SLIT2: variants seen among roughly 807,000 people sequenced by gnomAD.
SLIT2 encodes the protein slit guidance ligand 2, also known as slit homolog 2 protein.
A neutral mutation model predicts 185.7 loss-of-function variants in SLIT2; 41 were observed. That is an observed-to-expected ratio of 0.22 (90% CI 0.17 to 0.29). The LOEUF (loss-of-function observed/expected upper bound fraction) is 0.29, where lower values mean the gene tolerates loss of function less well. Among genes scored for constraint, SLIT2 ranks in the 10% least tolerant of loss-of-function variants. The probability of loss-of-function intolerance (pLI) is 1.00; values close to 1 mark genes in which losing one functional copy is unlikely to be tolerated. For synonymous variants in SLIT2, 693 were observed against 680.2 expected (o/e 1.02, Z -0.29); for missense variants, 1,571 against 1,909.0 (o/e 0.82, Z 3.30).
At chr4:20,488,762 T>A (rs1402172615) in intron 7 of SLIT2, 57 bp from the exon 8 acceptor site, 1 of 1,285,942 alleles carries the variant, frequency 7.8e-7, no homozygotes, top group African/African-American at 1.5e-5. Flanking sequence ...CAGGTATATA[T>A]TAATGAAATA....
chr4:20,497,868 T>TAAAAC (rs543909250), intron 9 of SLIT2, among the ~76,000 whole-genome samples: 21 of 151,686 alleles, frequency 1.4e-4, no homozygotes, highest in East Asian at 1.9e-4. Flanking sequence ...TTCTTTATAC[T>TAAAAC]AAAACAAAAC....
rs762714004 is a variant in SLIT2, at chr4:20,548,569, A to G, written c.2417+10A>G. 1 of 1,545,406 alleles carries G rather than the reference A, an allele frequency of 6.5e-7. No homozygotes were observed. The highest frequency in any genetic ancestry group is 8.9e-7 in the Non-Finnish European group (1 of 1,117,732). ...CCCAGCTCCTCACCTTGTGAGTGTG[A>G]AAGTGTGGTACTGAGTATTCATTAA... On this transcript the variant is annotated intron_variant, in intron 23 of 36. Transcript: ENST00000504154.
intron 4 of SLIT2, among the ~76,000 whole-genome samples, chr4:20,412,572 G>T (rs1427134038): frequency 2.0e-5 from 3 of 151,926 alleles, no homozygotes; most frequent in Non-Finnish European, 4.4e-5. Flanking sequence ...ATACTATTTT[G>T]TCATGCAAGC....
chr4:20,383,260 C>A (rs1724673650), intron 4 of SLIT2, among the ~76,000 whole-genome samples: 1 of 152,080 alleles, frequency 6.6e-6, no homozygotes, highest in African/African-American at 2.4e-5. Flanking sequence ...TCGTCCTCTC[C>A]AAAAGACACA....
At chr4:20,417,973 T>G (rs1282284504) in intron 4 of SLIT2, among the ~76,000 whole-genome samples, 3 of 152,212 alleles carry the variant, frequency 2.0e-5, no homozygotes, top group Non-Finnish European at 4.4e-5. Context: ...TTCACCTTGT[T>G]AAATTTTCAG....
intron 4 of SLIT2, among the ~76,000 whole-genome samples, chr4:20,323,646 GA>G (rs1719294871): frequency 6.6e-6 from 1 of 151,980 alleles, no homozygotes; most frequent in South Asian, 2.1e-4. Context: ...ACCGTCTAAG[GA>G]AAATAAATAT....
intron 4 of SLIT2, among the ~76,000 whole-genome samples, chr4:20,374,514 C>G (rs1723856847): frequency 6.6e-6 from 1 of 152,074 alleles, no homozygotes; most frequent in African/African-American, 2.4e-5. Context: ...GTCTGAGACT[C>G]AATAGTTTCC....
intron 33 of SLIT2, among the ~76,000 whole-genome samples, chr4:20,601,009 A>G (rs1728372748): frequency 6.6e-6 from 1 of 152,056 alleles, no homozygotes; most frequent in Non-Finnish European, 1.5e-5. Flanking sequence ...GAAGACAGGA[A>G]GGAAATGTAA....
At chr4:20,479,572 C>T (rs868763353) in intron 5 of SLIT2, among the ~76,000 whole-genome samples, 2 of 151,782 alleles carry the variant, frequency 1.3e-5, no homozygotes, top group East Asian at 3.9e-4. Context: ...ACTTTTTTAA[C>T]TGAAATAATA....
At chr4:20,586,354 T>G (rs1434290152) in intron 29 of SLIT2, among the ~76,000 whole-genome samples, 1 of 152,202 alleles carries the variant, frequency 6.6e-6, no homozygotes, top group East Asian at 1.9e-4. Flanking sequence ...CTGAGTTGAT[T>G]ACAGGTCAAC....
chr4:20,557,610 A>T (rs1018158540), intron 26 of SLIT2, among the ~76,000 whole-genome samples: 3 of 152,066 alleles, frequency 2.0e-5, no homozygotes, highest in African/African-American at 7.3e-5. Flanking sequence ...AAGGAGAATG[A>T]TGTTTATATG....
chr4:20,467,498 A>G (rs1376912798), intron 4 of SLIT2, among the ~76,000 whole-genome samples: 1 of 152,078 alleles, frequency 6.6e-6, no homozygotes, highest in Non-Finnish European at 1.5e-5. Context: ...TACGAGTACC[A>G]TATTTTATAG....
At chr4:20,541,420 C>T (rs754404196) in intron 19 of SLIT2, 33 bp from the exon 20 acceptor site, 3 of 1,606,802 alleles carry the variant, frequency 1.9e-6, no homozygotes, top group Non-Finnish European at 1.7e-6. Context: ...AAACCCCAGG[C>T]TAAACTGTGC....
At chr4:20,410,236 T>G (rs1727116749) in intron 4 of SLIT2, among the ~76,000 whole-genome samples, 1 of 138,082 alleles carries the variant, frequency 7.2e-6, no homozygotes, top group African/African-American at 2.8e-5. Context: ...TTTCTTTTCT[T>G]TCTTTTCTTT....
At chr4:20,563,257 C>G (rs2148907917) in intron 26 of SLIT2, among the ~76,000 whole-genome samples, 1 of 151,936 alleles carries the variant, frequency 6.6e-6, no homozygotes, top group Non-Finnish European at 1.5e-5. Flanking sequence ...CGACTGTTCT[C>G]CTTCATTTTA....
chr4:20,253,735 C>A lies in SLIT2; in HGVS notation c.-81C>A, dbSNP rs1016353452. 10 of 1,537,036 alleles carry A rather than the reference C, an allele frequency of 6.5e-6. No individual in the cohort carries two copies. Among genetic ancestry groups the A allele is most frequent in the Non-Finnish European group, 8.8e-6 (10 of 1,138,118 alleles). On this transcript the variant is annotated 5_prime_UTR_variant, in exon 1 of 37. Transcript: ENST00000504154. ...TTGCTAGCCCCGCCGGGCACTGGGC[C>A]TCAGACACTGCGCGGTTCCCTCGGA... is the stretch of plus-strand genomic sequence containing the variant.
At chr4:20,339,357 C>T (rs1009091263) in intron 4 of SLIT2, among the ~76,000 whole-genome samples, 5 of 151,706 alleles carry the variant, frequency 3.3e-5, no homozygotes, top group Non-Finnish European at 4.4e-5. Context: ...ATCTTAGTGC[C>T]GGGGTGTACA....
At chr4:20,469,996 C>G (rs909324248) in intron 5 of SLIT2, among the ~76,000 whole-genome samples, 5 of 151,902 alleles carry the variant, frequency 3.3e-5, no homozygotes, top group Non-Finnish European at 7.4e-5. Context: ...CTCAGGTGAT[C>G]CACCCTCCTC....
chr4:20,437,573 G>A (rs986352309), intron 4 of SLIT2, among the ~76,000 whole-genome samples: 3 of 152,094 alleles, frequency 2.0e-5, no homozygotes, highest in African/African-American at 7.2e-5. Flanking sequence ...CATGATCACA[G>A]CACTGCATCC....
Sources: gnomAD v4.1 joint callset for allele counts (sites outside exome capture counted in the v4.1 genomes callset) on GRCh38, gnomAD v4.1.1 for gene constraint, MANE v1.5 for transcripts, NCBI Gene and HGNC (gene_info 2026-07-23, HGNC 2026-07-21) for gene names.